The following SYNE1 variants were observed in gnomAD, a reference collection of about 807,000 sequenced individuals.
SYNE1 encodes spectrin repeat containing nuclear envelope protein 1.
In SYNE1, 616 loss-of-function variants were observed where a neutral mutation model predicts 1,111.0. That is an observed-to-expected ratio of 0.55 (90% confidence interval 0.52 to 0.59). SYNE1 has a LOEUF of 0.59. Among genes scored for constraint, SYNE1 ranks in the 20% least tolerant of loss-of-function variants. SYNE1 has a pLI of 0.00. For missense variants in SYNE1, 10,006 were observed against 10,417.0 expected (o/e 0.96, Z 1.72); for synonymous variants, 3,855 against 3,825.8 (o/e 1.01, Z -0.28).
At chr6:152,586,434 A>C (rs2099539188) in intron 3 of SYNE1, among the ~76,000 whole-genome samples, 2 of 152,078 alleles carry the variant, frequency 1.3e-5, no homozygotes. Flanking sequence ...ACCTTCTTAA[A>C]TTCTCTTGCT....
At chr6:152,247,677 C>G (rs1379800377) in intron 105 of SYNE1, among the ~76,000 whole-genome samples, 1 of 147,234 alleles carries the variant, frequency 6.8e-6, no homozygotes, top group Non-Finnish European at 1.5e-5. Context: ...CCAGACCAGC[C>G]TGGGCAACAA....
intron 128 of SYNE1, among the ~76,000 whole-genome samples, chr6:152,181,521 G>GATTT (rs1482478702): frequency 5.3e-5 from 8 of 152,112 alleles, no homozygotes; most frequent in Admixed American, 2.0e-4. Context: ...TGTCCCTGTG[G>GATTT]ATTTGCCTAT....
intron 5 of SYNE1, among the ~76,000 whole-genome samples, chr6:152,520,848 CTCA>C (rs2154348717): frequency 6.6e-6 from 1 of 152,294 alleles, no homozygotes; most frequent in East Asian, 1.9e-4. Context: ...ACGACACAGT[CTCA>C]TCATTGGTCT....
chr6:152,515,984 A>G (rs1032747043), intron 6 of SYNE1, among the ~76,000 whole-genome samples: 7 of 152,248 alleles, frequency 4.6e-5, no homozygotes, highest in Admixed American at 2.6e-4. Flanking sequence ...GATTAAATAA[A>G]TGTCCTGTTA....
At chr6:152,561,260 T>C (rs927506927) in intron 3 of SYNE1, among the ~76,000 whole-genome samples, 3 of 152,154 alleles carry the variant, frequency 2.0e-5, no homozygotes, top group African/African-American at 7.2e-5. Flanking sequence ...TGCATGTCTA[T>C]ACATAAACAA....
chr6:152,297,025 C>T (rs2094915531), intron 93 of SYNE1, among the ~76,000 whole-genome samples: 1 of 152,164 alleles, frequency 6.6e-6, no homozygotes, highest in South Asian at 2.1e-4. Flanking sequence ...AGTATCAGTT[C>T]TGTACACAGC....
chr6:152,614,358 T>C (rs2099640199), intron 3 of SYNE1, among the ~76,000 whole-genome samples: 1 of 152,208 alleles, frequency 6.6e-6, no homozygotes, highest in Non-Finnish European at 1.5e-5. Context: ...AAGACATTTA[T>C]GCAGCCAACA....
Position 152,150,476 on chromosome 6 carries a change from G to A in SYNE1, c.24451-808C>T, listed in dbSNP as rs1346156545. On this transcript the variant is annotated intron_variant, in intron 135 of 145. Coordinates refer to ENST00000367255, the MANE Select transcript of SYNE1 (RefSeq NM_182961.4). ...TTCGCCTGTGAGATGACAGGAGAGA[G>A]GAATCAGGGGAGAGGGTGAGGCAGA... Among the ~76,000 whole-genome samples, 3 of 152,220 alleles carry A rather than the reference G, an allele frequency of 2.0e-5. No individual in the cohort carries two copies. The East Asian group carries it at 5.8e-4, about 29-fold the overall frequency.
rs765348025 is a variant in SYNE1 at position 152,262,160 on chromosome 6, A to G, written c.18844T>C (p.Leu6282=). The change falls in exon 101 of 146, where the codon TTG becomes CTG. Residue 6282 remains leucine, a synonymous_variant. Coordinates refer to ENST00000367255, the MANE Select transcript of SYNE1 (RefSeq NM_182961.4). The part of the protein sequence containing the change: ...GEKPDVLSQE[L]GMEGEKSSAE... ...GATGATTTCTCCCCTTCCATCCCCAACTCCTGGGATAACACATCAGGTTTT... is the reference window on the plus strand; with the variant it reads ...GATGATTTCTCCCCTTCCATCCCCAGCTCCTGGGATAACACATCAGGTTTT... 6.2e-7 allele frequency: 1 copy of G among 1,613,726 alleles called. No individual in the cohort carries two copies. Among genetic ancestry groups the G allele is most frequent in the South Asian group, 1.1e-5 (1 of 91,062 alleles).
intron 10 of SYNE1, 150 bp downstream of exon 10, chr6:152,502,483 A>C (rs950379677): frequency 1.4e-6 from 1 of 714,362 alleles, no homozygotes; most frequent in African/African-American, 1.7e-5. Flanking sequence ...CTTTCCTCTA[A>C]TCATCACCCC....
intron 3 of SYNE1, among the ~76,000 whole-genome samples, chr6:152,572,017 G>T (rs1291209214): frequency 6.6e-6 from 1 of 152,112 alleles, no homozygotes; most frequent in Non-Finnish European, 1.5e-5. Flanking sequence ...ATTAAAGAAG[G>T]GGTTGGGGTG....
intron 3 of SYNE1, among the ~76,000 whole-genome samples, chr6:152,589,500 G>T (rs935309071): frequency 1.1e-4 from 17 of 152,026 alleles, no homozygotes; most frequent in Admixed American, 6.6e-5. Context: ...GATCTAAACC[G>T]GTAGAAGTGC....
intron 4 of SYNE1, among the ~76,000 whole-genome samples, chr6:152,531,325 T>C (rs539028640): frequency 2.0e-5 from 3 of 151,970 alleles, no homozygotes; most frequent in Non-Finnish European, 4.4e-5. Flanking sequence ...CCAGAGTAAA[T>C]GATAAGTGCT....
intron 5 of SYNE1, among the ~76,000 whole-genome samples, chr6:152,525,130 G>A (rs1287009042): frequency 2.0e-5 from 3 of 152,158 alleles, no homozygotes; most frequent in East Asian, 1.9e-4. Flanking sequence ...TTACTTAAAC[G>A]ACTGATGCAA....
chr6:152,309,753 T>A (rs1589765474), intron 90 of SYNE1, 82 bp downstream of exon 90: 4 of 1,571,314 alleles, frequency 2.5e-6, no homozygotes, highest in Admixed American at 3.4e-5. Flanking sequence ...TGTGTTTTGA[T>A]GGCTGAGCCC....
At chr6:152,212,048 A>G (rs1228756491) in intron 123 of SYNE1, among the ~76,000 whole-genome samples, 1 of 152,054 alleles carries the variant, frequency 6.6e-6, no homozygotes, top group Non-Finnish European at 1.5e-5. Flanking sequence ...AATTTTAATA[A>G]ATTTATTTCA....
intron 3 of SYNE1, among the ~76,000 whole-genome samples, chr6:152,556,749 C>T (rs1017711595): frequency 3.3e-4 from 50 of 152,282 alleles, no homozygotes; most frequent in African/African-American, 1.2e-3. Flanking sequence ...AGCAGCATGC[C>T]TATCCATGAA....
chr6:152,447,730 C>T, intron 28 of SYNE1, 108 bp from the exon 29 acceptor site: 1 of 1,315,376 alleles, frequency 7.6e-7, no homozygotes, highest in Non-Finnish European at 1.1e-6. Context: ...CAGAATAGAG[C>T]CAGACATCAT....
chr6:152,418,249 T>C, intron 40 of SYNE1, among the ~76,000 whole-genome samples: 1 of 152,208 alleles, frequency 6.6e-6, no homozygotes, highest in East Asian at 1.9e-4. Flanking sequence ...ACCTCCGTAA[T>C]ATTTTTCTGA....
Sources: gnomAD v4.1 joint callset for allele counts (sites outside exome capture counted in the v4.1 genomes callset) on GRCh38, gnomAD v4.1.1 for gene constraint, MANE v1.5 for transcripts, NCBI Gene and HGNC (gene_info 2026-07-23, HGNC 2026-07-21) for gene names.